Variants in ADGRV1 observed in about 807,000 individuals in gnomAD.
ADGRV1 encodes the protein adhesion G protein-coupled receptor V1, also known as G-protein coupled receptor 98.
In ADGRV1, 359 loss-of-function variants were observed where a neutral mutation model predicts 596.2. The ratio of observed to expected loss-of-function variants is 0.60; its 90% CI spans 0.55 to 0.66. ADGRV1 has a LOEUF of 0.66. Ranked by LOEUF, ADGRV1 falls within the 30% of genes least tolerant of loss-of-function variation. The pLI, the probability that ADGRV1 is intolerant of heterozygous loss-of-function variation, is 0.00. For synonymous variants in ADGRV1, 2,681 were observed against 2,679.2 expected (o/e 1.00, Z -0.02); for missense variants, 7,274 against 7,575.6 (o/e 0.96, Z 1.48).
intron 83 of ADGRV1, among the ~76,000 whole-genome samples, chr5:90,877,717 A>G (rs1162744768): frequency 6.6e-6 from 1 of 151,884 alleles, no homozygotes; most frequent in Admixed American, 6.6e-5. Flanking sequence ...GGTGTAAGGT[A>G]TATTTTTTCA....
At chr5:91,037,973 G>A (rs557905125) in intron 85 of ADGRV1, among the ~76,000 whole-genome samples, 24 of 152,274 alleles carry the variant, frequency 1.6e-4, no homozygotes, top group African/African-American at 2.9e-4. Context: ...TATTGTATGT[G>A]TATAAGGTAT....
At position 90,745,080 on chromosome 5, in the gene ADGRV1, T is replaced by C. The variant is rs1300263240; in HGVS notation, c.10584T>C (p.Ala3528=). ...HILLIGQDMS[A]LYCWNSERNQ... Reference sequence around the variant, plus strand: ...TTCTTATTGGCCAAGATATGTCTGCTCTTTACTGCTGGAATTCGGAGCGTA... The same window carrying C: ...TTCTTATTGGCCAAGATATGTCTGCCCTTTACTGCTGGAATTCGGAGCGTA... Residue 3528 remains alanine, a synonymous_variant, in exon 51 of 90, where the codon GCT becomes GCC. Transcript: ENST00000405460. The C allele has an allele frequency of 2.5e-6, 4 of 1,613,712 alleles. No individual in the cohort carries two copies. The highest frequency in any genetic ancestry group is 3.4e-6 in the Non-Finnish European group (4 of 1,179,772).
At chr5:90,690,644 T>C (rs1417910471) in intron 30 of ADGRV1, among the ~76,000 whole-genome samples, 153 bp from the exon 31 acceptor site, 1 of 152,188 alleles carries the variant, frequency 6.6e-6, no homozygotes, top group Non-Finnish European at 1.5e-5. Context: ...AGCAGACCAA[T>C]TTGTATCACA....
intron 4 of ADGRV1, among the ~76,000 whole-genome samples, chr5:90,619,749 C>A (rs1307060004): frequency 2.2e-5 from 3 of 138,754 alleles, no homozygotes; most frequent in East Asian, 2.4e-4. Flanking sequence ...TATCCCTCCC[C>A]CCTCCCCCTA....
intron 45 of ADGRV1, among the ~76,000 whole-genome samples, chr5:90,723,065 A>G (rs1751297985): frequency 6.6e-6 from 1 of 152,216 alleles, no homozygotes; most frequent in African/African-American, 2.4e-5. Context: ...CAGTAAAATG[A>G]GAACCTGGAA....
intron 83 of ADGRV1, among the ~76,000 whole-genome samples, chr5:90,909,967 C>T (rs1421840794): frequency 6.6e-6 from 1 of 152,214 alleles, no homozygotes; most frequent in African/African-American, 2.4e-5. Context: ...GTCAGTTGGT[C>T]ACATATCAAC....
At chr5:90,711,923 G>A (rs1749410384) in intron 41 of ADGRV1, among the ~76,000 whole-genome samples, 1 of 151,788 alleles carries the variant, frequency 6.6e-6, no homozygotes. Flanking sequence ...ATTACAGGTG[G>A]CCACCACCAT....
chr5:90,564,079 T>C (rs1056308288), intron 1 of ADGRV1, among the ~76,000 whole-genome samples: 1 of 152,252 alleles, frequency 6.6e-6, no homozygotes, highest in Non-Finnish European at 1.5e-5. Flanking sequence ...TCAAGTAATG[T>C]TTAACTGAAA....
At position 90,922,073 on chromosome 5, in the gene ADGRV1, T is replaced by G. The variant is rs183068115; in HGVS notation, c.17857-43342T>G. On this transcript the variant is annotated intron_variant, in intron 83 of 89. Transcript: ENST00000405460. ...CCCCTCGCCCTAACTCTATCAGTAT[T>G]GGAGGATAGACTTTGGTGGACAGTC... is the stretch of plus-strand genomic sequence containing the variant. 3.9e-5 allele frequency among the ~76,000 whole-genome samples: 6 copies of G among 152,300 alleles called. No homozygotes were observed. In the East Asian group the frequency reaches 1.2e-3, roughly 29 times the overall value.
chr5:91,099,257 A>C (rs1415736760), intron 86 of ADGRV1, among the ~76,000 whole-genome samples: 2 of 150,072 alleles, frequency 1.3e-5, no homozygotes, highest in African/African-American at 2.5e-5. Flanking sequence ...CTAAAGCCTT[A>C]TTTCTCTCTC....
chr5:90,686,349 A>C (rs1171607369), intron 29 of ADGRV1, among the ~76,000 whole-genome samples: 1 of 152,044 alleles, frequency 6.6e-6, no homozygotes, highest in Non-Finnish European at 1.5e-5. Flanking sequence ...TATCTCCTAA[A>C]GCTATCCCTC....
intron 85 of ADGRV1, among the ~76,000 whole-genome samples, chr5:91,048,727 A>G (rs976627269): frequency 3.3e-5 from 5 of 152,162 alleles, no homozygotes; most frequent in African/African-American, 1.2e-4. Context: ...TAGTTTCACA[A>G]GTTGCTCTGA....
chr5:90,975,164 C>G (rs1444168969), intron 84 of ADGRV1, among the ~76,000 whole-genome samples: 1 of 151,498 alleles, frequency 6.6e-6, no homozygotes, highest in Admixed American at 6.6e-5. Context: ...CCATCTCACA[C>G]CAGTTAGAAT....
In ADGRV1 at chr5:90,622,706, GT is replaced by G; in HGVS notation, c.558+8del. ...ATGGTCATGGTGACTTTTGAGGTAA[GT>G]TTACTCTGAAGTCATTTTATTTTAT... is the stretch of plus-strand genomic sequence containing the variant. On this transcript the variant is annotated splice_donor_region_variant and intron_variant, in intron 5 of 89. Transcript: ENST00000405460. 2 of 1,279,870 alleles carry G rather than the reference GT, an allele frequency of 1.6e-6. No individual in the cohort carries two copies. The highest frequency in any genetic ancestry group is 1.9e-4 in the Middle Eastern group (1 of 5,252). 79.3% of individuals were successfully genotyped at this position (1,279,870 alleles called of 1,614,324 possible). A position where few individuals can be genotyped will look rare whatever the true frequency, so the allele number is the denominator to read the frequency against.
At chr5:90,680,783 T>G (rs1383043993) in intron 26 of ADGRV1, among the ~76,000 whole-genome samples, 1 of 152,224 alleles carries the variant, frequency 6.6e-6, no homozygotes. Context: ...ACTTAAATGC[T>G]GCTTTAGATC....
intron 86 of ADGRV1, among the ~76,000 whole-genome samples, chr5:91,093,090 TA>T (rs780934901): frequency 6.6e-6 from 1 of 152,200 alleles, no homozygotes; most frequent in Admixed American, 6.5e-5. Flanking sequence ...AACTAATACT[TA>T]CCAAATTGAT....
At chr5:90,937,743 C>T (rs1221112699) in intron 83 of ADGRV1, among the ~76,000 whole-genome samples, 1 of 152,212 alleles carries the variant, frequency 6.6e-6, no homozygotes, top group African/African-American at 2.4e-5. Context: ...AGGCGTGAGC[C>T]ACAGCGCCCG....
chr5:91,035,844 GTA>G (rs369415276), intron 85 of ADGRV1, among the ~76,000 whole-genome samples: 11 of 34,756 alleles, frequency 3.2e-4, no homozygotes, highest in East Asian at 2.0e-3. Flanking sequence ...AAATGAGTGT[GTA>G]TATATATATA....
At chr5:90,589,228 A>G (rs776094315) in intron 1 of ADGRV1, among the ~76,000 whole-genome samples, 1 of 152,218 alleles carries the variant, frequency 6.6e-6, no homozygotes, top group Non-Finnish European at 1.5e-5. Context: ...AGGAGTCATT[A>G]CATTATTACA....
Sources: allele counts gnomAD v4.1 joint callset (sites outside exome capture counted in the v4.1 genomes callset), GRCh38; gene constraint gnomAD v4.1.1; transcripts MANE v1.5; gene names NCBI Gene and HGNC (gene_info 2026-07-23, HGNC 2026-07-21).